KCTD8: variants seen among roughly 807,000 people sequenced by gnomAD.
KCTD8 encodes the protein potassium channel tetramerization domain containing 8.
Under a neutral mutation model 31.5 loss-of-function variants are expected in KCTD8, and 27 were observed. The ratio of observed to expected loss-of-function variants is 0.86; its 90% CI spans 0.63 to 1.18. The LOEUF (loss-of-function observed/expected upper bound fraction) is 1.18, where lower values mean the gene tolerates loss of function less well. Ranked by LOEUF, KCTD8 falls within the 50% of genes most tolerant of loss-of-function variation. The pLI is 0.00. For missense variants in KCTD8, 658 were observed against 647.7 expected (o/e 1.02, Z -0.17); for synonymous variants, 290 against 280.0 (o/e 1.04, Z -0.36).
chr4:44,446,890 G>A (rs1484161165), intron 1 of KCTD8, among the ~76,000 whole-genome samples: 2 of 152,044 alleles, frequency 1.3e-5, no homozygotes, highest in African/African-American at 4.8e-5. Flanking sequence ...CCAAACACTG[G>A]GCAATTAGAC....
intron 1 of KCTD8, among the ~76,000 whole-genome samples, chr4:44,428,561 T>C (rs984489101): frequency 2.0e-5 from 3 of 151,790 alleles, no homozygotes; most frequent in Non-Finnish European, 4.4e-5. Flanking sequence ...TTTAGCTCCC[T>C]CCTTCTCTCC....
chr4:44,267,456 T>C (rs936240169), intron 1 of KCTD8, among the ~76,000 whole-genome samples: 12 of 152,032 alleles, frequency 7.9e-5, no homozygotes, highest in African/African-American at 2.7e-4. Flanking sequence ...AGATCCAAAA[T>C]TGACACCCTA....
intron 1 of KCTD8, among the ~76,000 whole-genome samples, chr4:44,426,303 T>A (rs1721343618): frequency 1.4e-5 from 2 of 141,666 alleles, no homozygotes; most frequent in African/African-American, 4.9e-5. Context: ...CCAATAGAAA[T>A]CAAACCCACC....
intron 1 of KCTD8, among the ~76,000 whole-genome samples, chr4:44,256,922 T>C (rs1198202809): frequency 6.6e-6 from 1 of 151,986 alleles, no homozygotes; most frequent in South Asian, 2.1e-4. Flanking sequence ...ATAGGAGCAA[T>C]AGAAAACAAA....
intron 1 of KCTD8, among the ~76,000 whole-genome samples, chr4:44,413,412 G>A (rs183449453): frequency 1.3e-3 from 205 of 152,180 alleles, no homozygotes; most frequent in African/African-American, 4.1e-3. Flanking sequence ...TCCCCTAGAC[G>A]GAAATCTCTA....
intron 1 of KCTD8, chr4:44,293,688 G>A: frequency 2.7e-6 from 1 of 374,780 alleles, no homozygotes; most frequent in Non-Finnish European, 5.2e-6. Flanking sequence ...TGACATGAGG[G>A]AAATTTTTTA....
chr4:44,226,589 GGTTCTA>G (rs1714970604), intron 1 of KCTD8, among the ~76,000 whole-genome samples: 1 of 152,072 alleles, frequency 6.6e-6, no homozygotes, highest in Non-Finnish European at 1.5e-5. Context: ...TGGTATTTCT[GGTTCTA>G]GATCCTTGAG....
At chr4:44,179,515 A>C (rs917092544) in intron 1 of KCTD8, among the ~76,000 whole-genome samples, 1 of 148,694 alleles carries the variant, frequency 6.7e-6, no homozygotes, top group African/African-American at 2.4e-5. Flanking sequence ...TGTTTTATAT[A>C]TTTTTATATA....
intron 1 of KCTD8, among the ~76,000 whole-genome samples, chr4:44,320,922 G>C (rs1005659121): frequency 5.9e-5 from 9 of 151,984 alleles, no homozygotes; most frequent in Non-Finnish European, 1.0e-4. Flanking sequence ...CAAGGAAAAG[G>C]ATAACAAGAT....
intron 1 of KCTD8, among the ~76,000 whole-genome samples, chr4:44,252,069 C>T (rs1163006410): frequency 1.3e-5 from 2 of 151,702 alleles, no homozygotes; most frequent in Non-Finnish European, 3.0e-5. Flanking sequence ...GCCTTTACAT[C>T]CTTATAGCTT....
intron 1 of KCTD8, among the ~76,000 whole-genome samples, chr4:44,428,588 A>T (rs971836425): frequency 1.3e-5 from 2 of 151,804 alleles, no homozygotes; most frequent in African/African-American, 4.8e-5. Flanking sequence ...TGTGCACAAG[A>T]TTATACACAT....
At chr4:44,276,188 C>T (rs1716745204) in intron 1 of KCTD8, among the ~76,000 whole-genome samples, 1 of 152,000 alleles carries the variant, frequency 6.6e-6, no homozygotes, top group Non-Finnish European at 1.5e-5. Flanking sequence ...AATGTATCCC[C>T]ATGTATGGAT....
At position 44,447,957 on chromosome 4, in the gene KCTD8, G is replaced by A; in HGVS notation, c.567C>T (p.Gly189=). The part of the protein sequence containing the change: ...LRGAAAAVPS[G]PGAHGGGGGG... ...CGCCGCCACCACCGTGCGCTCCCGG[G>A]CCCGAGGGCACGGCGGCCGCCGCCC... Residue 189 remains glycine (G), a synonymous_variant, in exon 1 of 2, where the codon GGC becomes GGT. Transcript: ENST00000360029. 1 of 1,525,342 alleles carries A rather than the reference G, an allele frequency of 6.6e-7. No homozygotes were observed. Among genetic ancestry groups the A allele is most frequent in the East Asian group, 2.6e-5 (1 of 38,198 alleles). The allele number at this position is 1,525,342 out of a possible 1,614,324, so 94.5% of individuals were successfully genotyped here.
rs548467109 is a variant in KCTD8, at chr4:44,252,825, A to C, written c.962-77575T>G. ...TTTTACAAAAGGTACTTTAAAATTC[A>C]CTGAATTATATATCAGTCTCACAAA... On this transcript the variant is annotated intron_variant, in intron 1 of 1. Transcript: ENST00000360029. Among the ~76,000 whole-genome samples, 4 of 151,804 alleles carry C rather than the reference A, an allele frequency of 2.6e-5. No individual in the cohort carries two copies. In the South Asian group the frequency reaches 8.3e-4, roughly 31 times the overall value.
At chr4:44,188,509 T>C (rs1038725208) in intron 1 of KCTD8, among the ~76,000 whole-genome samples, 1 of 152,114 alleles carries the variant, frequency 6.6e-6, no homozygotes, top group Admixed American at 6.5e-5. Context: ...TCAAGATAAA[T>C]GTGAGGAAGT....
chr4:44,448,551 C>A lies in KCTD8; in HGVS notation c.-28G>T, dbSNP rs759735507. The A allele has an allele frequency of 6.9e-7, 1 of 1,442,050 alleles. No individual in the cohort carries two copies. The highest frequency in any genetic ancestry group is 2.6e-5 in the East Asian group (1 of 38,670). 89.3% of individuals were successfully genotyped at this position (1,442,050 alleles called of 1,614,324 possible). The stretch of plus-strand genomic sequence containing the variant: ...TCCCCCCGCCGCCGGCCCAGTGACC[C>A]GAGAGAGCTGCACTTTCTCGTTCCC... On this transcript the variant is annotated 5_prime_UTR_variant, in exon 1 of 2. Transcript: ENST00000360029. This position sits in a 1 kb window ranked among gnomAD's most constrained non-coding sequence, Gnocchi z 4.1.
At chr4:44,395,043 C>T (rs1337258591) in intron 1 of KCTD8, among the ~76,000 whole-genome samples, 2 of 152,010 alleles carry the variant, frequency 1.3e-5, no homozygotes, top group African/African-American at 4.8e-5. Context: ...ATATTACCCT[C>T]TAGATTTCCC....
intron 1 of KCTD8, among the ~76,000 whole-genome samples, chr4:44,200,886 A>G (rs1714125936): frequency 6.7e-6 from 1 of 149,496 alleles, no homozygotes; most frequent in African/African-American, 2.5e-5. Context: ...TTTGCTGATG[A>G]TATGATCTAT....
chr4:44,396,974 T>C (rs996816275), intron 1 of KCTD8, among the ~76,000 whole-genome samples: 7 of 152,130 alleles, frequency 4.6e-5, no homozygotes, highest in African/African-American at 1.4e-4. Flanking sequence ...ACTCCAAGAA[T>C]GGCTAACAAA....
Sources: allele counts gnomAD v4.1 joint callset (sites outside exome capture counted in the v4.1 genomes callset), GRCh38; gene constraint gnomAD v4.1.1; non-coding constraint Gnocchi (gnomAD v3.1); transcripts MANE v1.5; gene names NCBI Gene and HGNC (gene_info 2026-07-23, HGNC 2026-07-21).